UBR1: variants seen among roughly 807,000 people sequenced by gnomAD.
UBR1 encodes the protein ubiquitin protein ligase E3 component n-recognin 1, also known as E3 ubiquitin-protein ligase UBR1.
UBR1 carries 102 observed loss-of-function variants against 242.1 expected under a neutral mutation model. That is an observed-to-expected ratio of 0.42 (90% CI 0.36 to 0.50). The LOEUF is 0.50. Among genes scored for constraint, UBR1 ranks in the 20% least tolerant of loss-of-function variants. The probability of loss-of-function intolerance (pLI) is 0.01; values close to 1 mark genes in which losing one functional copy is unlikely to be tolerated. For synonymous variants in UBR1, 675 were observed against 684.8 expected (o/e 0.99, Z 0.22); for missense variants, 1,772 against 2,101.8 (o/e 0.84, Z 3.07).
chr15:42,946,015 C>T (rs1337439856), intron 46 of UBR1, among the ~76,000 whole-genome samples: 1 of 152,212 alleles, frequency 6.6e-6, no homozygotes, highest in African/African-American at 2.4e-5. Flanking sequence ...CACTGTATAA[C>T]AGCTAATCCA....
rs767638019 is a variant in UBR1, at chr15:42,945,294, C to A, written c.*35G>T. The A allele has an allele frequency of 6.2e-7, 1 of 1,613,962 alleles. No individual in the cohort carries two copies. The highest frequency in any genetic ancestry group is 1.1e-5 in the South Asian group (1 of 91,000). ...ATTTTGAATCAGCCTTTACTACTGT[C>A]GTCATTTGTGATTGTCTTGAGGCAG... On this transcript the variant is annotated 3_prime_UTR_variant, in exon 47 of 47. Coordinates refer to ENST00000290650, the MANE Select transcript of UBR1 (RefSeq NM_174916.3).
At chr15:43,071,140 G>A (rs975991702) in intron 4 of UBR1, among the ~76,000 whole-genome samples, 4 of 152,140 alleles carry the variant, frequency 2.6e-5, no homozygotes, top group Non-Finnish European at 1.5e-5. Flanking sequence ...CAGAAAGGAG[G>A]CAGAACCATG....
intron 46 of UBR1, 64 bp downstream of exon 46, chr15:42,950,198 T>C: frequency 4.4e-6 from 6 of 1,376,706 alleles, no homozygotes; most frequent in South Asian, 2.3e-5. Context: ...GTGACTGAAA[T>C]AGAAAACAAT....
intron 2 of UBR1, among the ~76,000 whole-genome samples, chr15:43,084,440 C>T (rs1480028364): frequency 6.6e-6 from 1 of 152,128 alleles, no homozygotes; most frequent in Non-Finnish European, 1.5e-5. Context: ...CAACATGGTA[C>T]ACAAAATGCA....
chr15:43,085,938 A>AT, intron 2 of UBR1, 46 bp downstream of exon 2: 1 of 1,519,226 alleles, frequency 6.6e-7, no homozygotes, highest in Admixed American at 2.0e-5. Context: ...AAAAAAAAAA[A>AT]GGATTTTAAT....
intron 19 of UBR1, among the ~76,000 whole-genome samples, chr15:43,033,507 G>C (rs7163266): frequency 0.17 from 26,356 of 152,036 alleles, 2,545 homozygotes; most frequent in South Asian, 0.25. Flanking sequence ...AGCCAGGCAT[G>C]GTGGCATGCG....
chr15:43,025,479 A>G, intron 23 of UBR1, 50 bp from the exon 24 acceptor site: 2 of 1,396,108 alleles, frequency 1.4e-6, no homozygotes, highest in Non-Finnish European at 2.0e-6. Flanking sequence ...CATGAAACAA[A>G]TGAAATACAT....
At chr15:43,016,236 T>C (rs780054963) in intron 28 of UBR1, among the ~76,000 whole-genome samples, 1 of 152,230 alleles carries the variant, frequency 6.6e-6, no homozygotes, top group Non-Finnish European at 1.5e-5. Context: ...TACTTCTAAA[T>C]GCACTGTGAA....
At chr15:43,004,436 C>G (rs907451172) in intron 30 of UBR1, among the ~76,000 whole-genome samples, 1 of 152,132 alleles carries the variant, frequency 6.6e-6, no homozygotes, top group Admixed American at 6.5e-5. Flanking sequence ...AAAGCCGAGG[C>G]TGGACTGTAC....
At chr15:43,041,340 G>C (rs1161647068) in intron 15 of UBR1, among the ~76,000 whole-genome samples, 1 of 151,982 alleles carries the variant, frequency 6.6e-6, no homozygotes, top group East Asian at 1.9e-4. Context: ...AACTATCACA[G>C]GGACAAAAAA....
intron 3 of UBR1, among the ~76,000 whole-genome samples, chr15:43,081,353 G>A (rs1205787955): frequency 6.8e-5 from 10 of 147,194 alleles, no homozygotes; most frequent in African/African-American, 1.5e-4. Context: ...GGAGGCGGAC[G>A]TTGTGGTGAG....
chr15:43,016,298 T>C (rs2033022655), intron 28 of UBR1, among the ~76,000 whole-genome samples: 2 of 152,172 alleles, frequency 1.3e-5, no homozygotes, highest in Non-Finnish European at 2.9e-5. Context: ...CTGAGATACA[T>C]TTGGTGCATG....
intron 1 of UBR1, among the ~76,000 whole-genome samples, chr15:43,101,309 G>A (rs538560176): frequency 2.0e-5 from 3 of 152,180 alleles, no homozygotes; most frequent in Non-Finnish European, 4.4e-5. Flanking sequence ...TGGTTGTTCT[G>A]TGCAGAATGG....
At chr15:43,105,797 T>C in intron 1 of UBR1, 145 bp downstream of exon 1, 5 of 764,114 alleles carry the variant, frequency 6.5e-6, no homozygotes, top group Non-Finnish European at 1.1e-5. Flanking sequence ...TGCGACTAAC[T>C]TTTTATTCGG....
chr15:42,992,008 T>A (rs1159982439), intron 33 of UBR1, among the ~76,000 whole-genome samples: 1 of 152,146 alleles, frequency 6.6e-6, no homozygotes, highest in Non-Finnish European at 1.5e-5. Context: ...TGCCTGAACC[T>A]CCCACAGTGC....
intron 15 of UBR1, among the ~76,000 whole-genome samples, chr15:43,040,199 T>C (rs1487641896): frequency 6.6e-6 from 1 of 152,122 alleles, no homozygotes; most frequent in Non-Finnish European, 1.5e-5. Flanking sequence ...CTTCAAACTA[T>C]ACTACAAGGC....
At chr15:42,964,827 A>G (rs2032079638) in intron 41 of UBR1, among the ~76,000 whole-genome samples, 1 of 152,168 alleles carries the variant, frequency 6.6e-6, no homozygotes, top group African/African-American at 2.4e-5. Context: ...AACCCCCTCT[A>G]TGTAGCTGTT....
chr15:43,076,373 C>G (rs8027452), intron 3 of UBR1, among the ~76,000 whole-genome samples: 80,775 of 150,986 alleles, frequency 0.53, 26,204 homozygotes, highest in Non-Finnish European at 0.7. Context: ...CCCAAAGTGC[C>G]GAGATTGCAG....
rs781330290 is a variant in UBR1, at chr15:42,970,527, T to C, written c.4450A>G (p.Thr1484Ala). The change falls in exon 40 of 47, where the codon ACA becomes GCA. Residue 1484 changes from threonine to alanine, a missense_variant. Physicochemically the swap from Thr to Ala is moderately conservative, Grantham distance 58. This residue lies in a region of UBR1 where 965 missense variants were observed against 1,079.7 expected (regional missense o/e 0.89). Coordinates refer to ENST00000290650, the MANE Select transcript of UBR1 (RefSeq NM_174916.3). Reference sequence around the variant, plus strand: ...TAATGGATTGTTACTCACCCACTTGTATATTGAGAAATTTCTGCAAAGAAA... The same window carrying C: ...TAATGGATTGTTACTCACCCACTTGCATATTGAGAAATTTCTGCAAAGAAA... Reference protein sequence around the residue: ...SSFFAEISQYTSGSIGCDIPG... With the variant: ...SSFFAEISQYASGSIGCDIPG... 11 of 1,613,300 alleles carry C rather than the reference T, an allele frequency of 6.8e-6. 2 individuals are homozygous for C. The South Asian group carries it at 9.9e-5, about 14-fold the overall frequency.
Sources: gnomAD v4.1 joint callset for allele counts (sites outside exome capture counted in the v4.1 genomes callset) on GRCh38, gnomAD v4.1.1 for gene constraint, gnomAD v4.1.1 regional missense constraint, MANE v1.5 for transcripts, NCBI Gene and HGNC (gene_info 2026-07-23, HGNC 2026-07-21) for gene names.